The following SLC9D1 variants were observed in gnomAD, a reference collection of about 807,000 sequenced individuals.
SLC9D1 encodes putative LAG1-interacting protein.
chr13:113,515,922 A>C, the SLC9D1 span, among the ~76,000 whole-genome samples: 501 of 149,296 alleles, frequency 3.4e-3, 9 homozygotes, highest in East Asian at 2.7e-3. Flanking sequence ...AAAGAAATGC[A>C]GCTGACTTGT....
chr13:113,512,302 G>A, the SLC9D1 span, among the ~76,000 whole-genome samples: 4 of 109,604 alleles, frequency 3.6e-5, no homozygotes, highest in East Asian at 2.6e-4. Context: ...ATATACACTC[G>A]GAGTCTCAGG....
the SLC9D1 span, among the ~76,000 whole-genome samples, chr13:113,494,809 G>A: frequency 6.6e-6 from 1 of 152,116 alleles, no homozygotes; most frequent in East Asian, 1.9e-4. Flanking sequence ...GTTGAGCATG[G>A]TGTCCCCAAG....
chr13:113,532,680 G>A, the SLC9D1 span, among the ~76,000 whole-genome samples: 2 of 152,122 alleles, frequency 1.3e-5, no homozygotes, highest in Non-Finnish European at 2.9e-5. Context: ...CTGCTTGGCC[G>A]TGAGTCTGTC....
chr13:113,532,792 A>C, the SLC9D1 span, among the ~76,000 whole-genome samples: 1 of 149,474 alleles, frequency 6.7e-6, no homozygotes, highest in African/African-American at 2.5e-5. Context: ...TCTAAGTCGC[A>C]GACGTGGGCC....
the SLC9D1 span, among the ~76,000 whole-genome samples, chr13:113,545,347 G>T: frequency 6.6e-6 from 1 of 152,086 alleles, no homozygotes; most frequent in Non-Finnish European, 1.5e-5. Context: ...AGCCGGTGGG[G>T]CCCAGGAACC....
the SLC9D1 span, among the ~76,000 whole-genome samples, chr13:113,517,967 C>T: frequency 6.6e-6 from 1 of 152,092 alleles, no homozygotes; most frequent in African/African-American, 2.4e-5. Context: ...AAATATGTTA[C>T]AGGTTTAAAA....
At chr13:113,545,648 T>A in the SLC9D1 span, 6 of 150,910 alleles carry the variant, frequency 4.0e-5, no homozygotes, top group Non-Finnish European at 8.8e-5. Context: ...AGCCCTGCCT[T>A]GAAGGAGCTT....
At chr13:113,536,685 G>A in the SLC9D1 span, 1 of 443,298 alleles carries the variant, frequency 2.3e-6, no homozygotes, top group Non-Finnish European at 3.0e-6. Flanking sequence ...GCTGCTTGGG[G>A]TGCTGGGCCT....
the SLC9D1 span, among the ~76,000 whole-genome samples, chr13:113,518,581 A>G: frequency 6.6e-6 from 1 of 152,234 alleles, no homozygotes; most frequent in Non-Finnish European, 1.5e-5. Flanking sequence ...TCTGCGGAAG[A>G]TGTGGGGTGG....
the SLC9D1 span, among the ~76,000 whole-genome samples, chr13:113,515,630 G>C: frequency 6.6e-6 from 1 of 152,020 alleles, no homozygotes; most frequent in African/African-American, 2.4e-5. Flanking sequence ...GGTGGCTCAC[G>C]CTGGTAATCC....
chr13:113,526,072 A>C, the SLC9D1 span, among the ~76,000 whole-genome samples: 1 of 152,122 alleles, frequency 6.6e-6, no homozygotes, highest in Non-Finnish European at 1.5e-5. Context: ...TCGTCGTCGT[A>C]GGAGACGACA....
chr13:113,506,335 A>T, the SLC9D1 span, among the ~76,000 whole-genome samples: 8 of 99,652 alleles, frequency 8.0e-5, no homozygotes, highest in Non-Finnish European at 1.5e-4. Flanking sequence ...TGGGGAGGGT[A>T]AGGGGGTGTC....
At chr13:113,529,209 G>T in the SLC9D1 span, 1 of 152,134 alleles carries the variant, frequency 6.6e-6, no homozygotes, top group Non-Finnish European at 1.5e-5. Context: ...CACCGAAATT[G>T]TTCTAATTCA....
At chr13:113,507,758 G>A in the SLC9D1 span, among the ~76,000 whole-genome samples, 5 of 152,222 alleles carry the variant, frequency 3.3e-5, no homozygotes, top group African/African-American at 1.2e-4. Flanking sequence ...TATCTTCTCT[G>A]TTCTAACTAC....
the SLC9D1 span, chr13:113,496,041 G>A: frequency 1.3e-6 from 2 of 1,507,548 alleles, no homozygotes; most frequent in Non-Finnish European, 1.8e-6. Flanking sequence ...TCCTAGAGAG[G>A]GAGAGAGAGA....
the SLC9D1 span, among the ~76,000 whole-genome samples, chr13:113,542,968 G>A: frequency 1.3e-5 from 2 of 151,818 alleles, no homozygotes; most frequent in East Asian, 3.9e-4. Context: ...GCAGCCTCAC[G>A]AGTCAGTGTG....
chr13:113,537,896 TGTGC>T, the SLC9D1 span, among the ~76,000 whole-genome samples: 9 of 149,878 alleles, frequency 6.0e-5, no homozygotes, highest in South Asian at 2.1e-4. Context: ...GCCGTGTGTG[TGTGC>T]GTGCATGTGC....
the SLC9D1 span, chr13:113,499,915 G>T: frequency 8.0e-7 from 1 of 1,243,806 alleles, no homozygotes; most frequent in Non-Finnish European, 1.1e-6. Flanking sequence ...AAAATTGAAA[G>T]CATTTAATGG....
At chr13:113,538,222 A>C in the SLC9D1 span, among the ~76,000 whole-genome samples, 1 of 151,580 alleles carries the variant, frequency 6.6e-6, no homozygotes, top group Non-Finnish European at 1.5e-5. Context: ...GCATGCATAC[A>C]TATGTGCTTT....
Sources: allele counts gnomAD v4.1 joint callset (sites outside exome capture counted in the v4.1 genomes callset), GRCh38; gene constraint gnomAD v4.1.1; transcripts MANE v1.5; gene names NCBI Gene and HGNC (gene_info 2026-07-23, HGNC 2026-07-21).